The following PLD5 variants were observed in gnomAD, a reference collection of about 807,000 sequenced individuals.
PLD5 encodes phospholipase D family member 5, also known as inactive phospholipase D5.
A neutral mutation model predicts 61.1 loss-of-function variants in PLD5; 36 were observed. The observed-to-expected ratio is 0.59, with a 90% CI of 0.45 to 0.78. The LOEUF is 0.78. Ranked by LOEUF, PLD5 falls within the 30% of genes least tolerant of loss-of-function variation. The probability of loss-of-function intolerance (pLI) is 0.00; values close to 1 mark genes in which losing one functional copy is unlikely to be tolerated. For missense variants in PLD5, 515 were observed against 644.4 expected (o/e 0.80, Z 2.17); for synonymous variants, 243 against 242.8 (o/e 1.00, Z -0.01).
chr1:242,512,498 A>C (rs1199836285), intron 1 of PLD5, among the ~76,000 whole-genome samples: 1 of 152,014 alleles, frequency 6.6e-6, no homozygotes, highest in Non-Finnish European at 1.5e-5. Flanking sequence ...GATCAAGTGC[A>C]CTCAGCCACA....
intron 4 of PLD5, among the ~76,000 whole-genome samples, chr1:242,248,047 G>A: frequency 6.6e-6 from 1 of 152,218 alleles, no homozygotes; most frequent in East Asian, 1.9e-4. Context: ...TATCAAGTTG[G>A]TATAACTATG....
chr1:242,520,818 G>C (rs1669256580), intron 1 of PLD5, among the ~76,000 whole-genome samples: 1 of 152,198 alleles, frequency 6.6e-6, no homozygotes, highest in African/African-American at 2.4e-5. Flanking sequence ...GAGGCTGCAA[G>C]AGCAGGGGTG....
chr1:242,421,937 G>A (rs952641853), intron 1 of PLD5, among the ~76,000 whole-genome samples: 1 of 152,162 alleles, frequency 6.6e-6, no homozygotes, highest in African/African-American at 2.4e-5. Flanking sequence ...TCCTAAAGCA[G>A]GGCATGCGCC....
intron 2 of PLD5, among the ~76,000 whole-genome samples, chr1:242,303,163 T>A (rs561841243): frequency 4.5e-4 from 68 of 152,330 alleles, no homozygotes; most frequent in Middle Eastern, 3.4e-3. Flanking sequence ...TCCAGTTCTC[T>A]TCCTGAGTTG....
At chr1:242,478,884 A>G (rs1667680650) in intron 1 of PLD5, among the ~76,000 whole-genome samples, 1 of 152,254 alleles carries the variant, frequency 6.6e-6, no homozygotes, top group Non-Finnish European at 1.5e-5. Context: ...ACAACCTAAT[A>G]GTCTGATAAT....
chr1:242,335,552 C>A (rs1039444750), intron 2 of PLD5, among the ~76,000 whole-genome samples: 1 of 152,164 alleles, frequency 6.6e-6, no homozygotes, highest in African/African-American at 2.4e-5. Context: ...AATAGCATCA[C>A]TGAGAATTGC....
intron 5 of PLD5, chr1:242,188,529 C>T (rs981573925): frequency 9.9e-5 from 15 of 152,210 alleles, no homozygotes; most frequent in African/African-American, 3.1e-4. Context: ...AAGACTGTGA[C>T]ACAGAACCTA....
chr1:242,323,825 G>C (rs1163343493), intron 2 of PLD5, among the ~76,000 whole-genome samples: 1 of 152,068 alleles, frequency 6.6e-6, no homozygotes, highest in African/African-American at 2.4e-5. Context: ...ACTCTGCATA[G>C]AGGATCAGAG....
intron 4 of PLD5, among the ~76,000 whole-genome samples, chr1:242,261,518 A>T (rs193108033): frequency 2.0e-5 from 3 of 152,338 alleles, no homozygotes; most frequent in African/African-American, 7.2e-5. Flanking sequence ...CATTAAAACT[A>T]AGAATTTCCA....
intron 5 of PLD5, among the ~76,000 whole-genome samples, chr1:242,128,816 G>GCACTTCAGCTCTT (rs1380701678): frequency 7.3e-4 from 111 of 152,192 alleles, no homozygotes; most frequent in African/African-American, 2.5e-3. Context: ...CACGGGCAAG[G>GCACTTCAGCTCTT]CACTTCAGCT....
chr1:242,184,645 A>C (rs1667757417), intron 5 of PLD5, among the ~76,000 whole-genome samples: 1 of 152,192 alleles, frequency 6.6e-6, no homozygotes, highest in Non-Finnish European at 1.5e-5. Flanking sequence ...CTGGGATTAC[A>C]ATGTGAGCTA....
At chr1:242,481,759 T>A (rs897672181) in intron 1 of PLD5, among the ~76,000 whole-genome samples, 3 of 152,202 alleles carry the variant, frequency 2.0e-5, no homozygotes, top group Non-Finnish European at 2.9e-5. Flanking sequence ...ACAGACTGCC[T>A]CCTCAAGTGG....
intron 2 of PLD5, among the ~76,000 whole-genome samples, chr1:242,304,743 A>G (rs1426957591): frequency 6.6e-6 from 1 of 152,236 alleles, no homozygotes; most frequent in Admixed American, 6.5e-5. Flanking sequence ...AAAAACTTCA[A>G]ATGGTTTTGG....
At chr1:242,380,689 A>C (rs770790034) in intron 1 of PLD5, among the ~76,000 whole-genome samples, 2 of 152,188 alleles carry the variant, frequency 1.3e-5, no homozygotes, top group Non-Finnish European at 2.9e-5. Flanking sequence ...TAAGAAACTT[A>C]AATTTGCAAG....
intron 2 of PLD5, among the ~76,000 whole-genome samples, chr1:242,305,889 G>C (rs1322075608): frequency 1.3e-5 from 2 of 152,084 alleles, no homozygotes; most frequent in African/African-American, 2.4e-5. Flanking sequence ...GATGACACAG[G>C]GTGTCTGGAG....
intron 1 of PLD5, among the ~76,000 whole-genome samples, chr1:242,458,324 C>G (rs2102933630): frequency 6.6e-6 from 1 of 152,346 alleles, no homozygotes; most frequent in East Asian, 1.9e-4. Context: ...TCCCAAAGGT[C>G]ATATTACTAA....
intron 1 of PLD5, among the ~76,000 whole-genome samples, chr1:242,400,639 C>T (rs991656254): frequency 1.3e-5 from 2 of 152,138 alleles, no homozygotes; most frequent in Non-Finnish European, 2.9e-5. Flanking sequence ...AGATAAGGAG[C>T]TTGAAGCTTA....
intron 1 of PLD5, among the ~76,000 whole-genome samples, chr1:242,486,571 G>T (rs1380775695): frequency 6.6e-6 from 1 of 152,200 alleles, no homozygotes; most frequent in African/African-American, 2.4e-5. Flanking sequence ...ACAGGTGCTG[G>T]AGAGGATGTG....
chr1:242,454,646 TAA>T (rs35281421), intron 1 of PLD5, among the ~76,000 whole-genome samples: 40,184 of 152,036 alleles, frequency 0.26, 5,741 homozygotes, highest in Admixed American at 0.38. Flanking sequence ...TACGAAATCA[TAA>T]AAGAGTTTCT....
Sources: gnomAD v4.1 joint callset for allele counts (sites outside exome capture counted in the v4.1 genomes callset) on GRCh38, gnomAD v4.1.1 for gene constraint, MANE v1.5 for transcripts, NCBI Gene and HGNC (gene_info 2026-07-23, HGNC 2026-07-21) for gene names.